The following DHRSX variants were observed in gnomAD, a reference collection of about 807,000 sequenced individuals.
DHRSX encodes the protein polyprenol dehydrogenase.
Under a neutral mutation model 34.0 loss-of-function variants are expected in DHRSX, and 31 were observed. That is an observed-to-expected ratio of 0.91 (90% CI 0.69 to 1.23). DHRSX has a LOEUF of 1.23. Among genes scored for constraint, DHRSX ranks in the 50% most tolerant of loss-of-function variants. DHRSX has a pLI of 0.00. For missense variants in DHRSX, 414 were observed against 428.1 expected (o/e 0.97, Z 0.29); for synonymous variants, 201 against 183.8 (o/e 1.09, Z -0.76).
chrX:2,490,011 C>T (rs748217691), intron 1 of DHRSX: 15 of 1,613,736 alleles, frequency 9.3e-6, no homozygotes, highest in Admixed American at 8.3e-5. Context: ...TCGGGCACCT[C>T]GAAGGTCTTC....
intron 1 of DHRSX, chrX:2,488,932 G>A: frequency 6.3e-7 from 1 of 1,599,730 alleles, no homozygotes; most frequent in South Asian, 1.1e-5. Context: ...GGGGGAAGAG[G>A]GCCAGGCGGT....
chrX:2,395,719 A>C (rs1163279969), intron 3 of DHRSX, among the ~76,000 whole-genome samples: 1 of 151,880 alleles, frequency 6.6e-6, no homozygotes, highest in Non-Finnish European at 1.5e-5. Context: ...GTTCAGGGTC[A>C]CCTTACCGGA....
intron 3 of DHRSX, among the ~76,000 whole-genome samples, chrX:2,293,058 C>T (rs750576367): frequency 2.6e-5 from 4 of 152,256 alleles, no homozygotes; most frequent in Admixed American, 6.5e-5. Flanking sequence ...TGTTGGATTA[C>T]AGGCGTGAGC....
intron 3 of DHRSX, among the ~76,000 whole-genome samples, chrX:2,354,159 A>C (rs1339713823): frequency 6.6e-6 from 1 of 152,156 alleles, no homozygotes; most frequent in East Asian, 1.9e-4. Flanking sequence ...CTCCAACCCA[A>C]TGGAGCGGAG....
intron 3 of DHRSX, among the ~76,000 whole-genome samples, chrX:2,303,356 C>T (rs746385388): frequency 2.6e-4 from 40 of 152,168 alleles, no homozygotes; most frequent in African/African-American, 8.9e-4. Flanking sequence ...GTGGATTTCT[C>T]ACGAATGGGT....
intron 3 of DHRSX, among the ~76,000 whole-genome samples, chrX:2,326,452 G>A (rs1289728118): frequency 6.6e-6 from 1 of 152,136 alleles, no homozygotes; most frequent in Non-Finnish European, 1.5e-5. Flanking sequence ...GACCCTGGGA[G>A]GTGGAGGTTG....
At chrX:2,493,242 C>T (rs1270667714) in intron 1 of DHRSX, among the ~76,000 whole-genome samples, 4 of 152,126 alleles carry the variant, frequency 2.6e-5, no homozygotes, top group Non-Finnish European at 4.4e-5. Context: ...ACACAGTCAA[C>T]GGAGGGGGAA....
At chrX:2,476,480 A>G (rs55962942) in intron 1 of DHRSX, among the ~76,000 whole-genome samples, 1 of 152,156 alleles carries the variant, frequency 6.6e-6, no homozygotes, top group African/African-American at 2.4e-5. Flanking sequence ...AATATCTGTA[A>G]TAGTGCATCA....
chrX:2,456,909 T>C (rs183885798), intron 1 of DHRSX, among the ~76,000 whole-genome samples: 25 of 152,098 alleles, frequency 1.6e-4, no homozygotes, highest in Non-Finnish European at 2.8e-4. Context: ...GACCATTTCT[T>C]GGTAGCAAGG....
chrX:2,283,495 G>A (rs2041758822), intron 4 of DHRSX, among the ~76,000 whole-genome samples: 1 of 152,090 alleles, frequency 6.6e-6, no homozygotes, highest in South Asian at 2.1e-4. Flanking sequence ...TTCCCGGGAG[G>A]GAGACCAGAT....
chrX:2,432,579 C>T (rs1412600708), intron 1 of DHRSX, among the ~76,000 whole-genome samples: 13 of 152,038 alleles, frequency 8.6e-5, no homozygotes, highest in East Asian at 3.9e-4. Context: ...ATTGAGTACA[C>T]GACAAAAGGG....
intron 6 of DHRSX, among the ~76,000 whole-genome samples, chrX:2,240,826 C>T (rs1246401748): frequency 1.3e-5 from 2 of 152,022 alleles, no homozygotes; most frequent in East Asian, 1.9e-4. Context: ...TTTAGTATCC[C>T]GACTTGAGAT....
At chrX:2,338,924 C>G (rs1308520423) in intron 3 of DHRSX, among the ~76,000 whole-genome samples, 1 of 151,940 alleles carries the variant, frequency 6.6e-6, no homozygotes, top group African/African-American at 2.4e-5. Flanking sequence ...CTGCAGTTCC[C>G]ACGAGACCAC....
At chrX:2,379,317 C>T (rs2043177327) in intron 3 of DHRSX, among the ~76,000 whole-genome samples, 1 of 152,174 alleles carries the variant, frequency 6.6e-6, no homozygotes, top group Non-Finnish European at 1.5e-5. Flanking sequence ...CATGATAAGC[C>T]GGCAAAGTCC....
At chrX:2,225,790 C>CA (rs1442890386) in intron 6 of DHRSX, among the ~76,000 whole-genome samples, 10 of 152,076 alleles carry the variant, frequency 6.6e-5, no homozygotes. Flanking sequence ...CAGGAGGAAC[C>CA]AGCCCTGCCC....
At chrX:2,252,969 T>G (rs779701273) in intron 5 of DHRSX, among the ~76,000 whole-genome samples, 1 of 152,184 alleles carries the variant, frequency 6.6e-6, no homozygotes, top group Non-Finnish European at 1.5e-5. Context: ...GCAGGTCGCT[T>G]GAGCCCAGGA....
chrX:2,296,062 C>T lies in DHRSX; in HGVS notation c.287-4459G>A, dbSNP rs770190406. On this transcript the variant is annotated intron_variant, in intron 3 of 6. Transcript: ENST00000334651. ...AGTTTTCCTGAACCCCAAGCCACGC[C>T]GGGCATCTCTAGATCTGGCTTCCGC... Among the ~76,000 whole-genome samples the T allele has an allele frequency of 6.6e-5, 10 of 152,224 alleles. No homozygotes were observed. The East Asian group carries it at 1.5e-3, about 24-fold the overall frequency.
At chrX:2,282,581 A>AGAGAGAGTAGAAAGAGGG (rs2041722290) in intron 4 of DHRSX, among the ~76,000 whole-genome samples, 1 of 100,040 alleles carries the variant, frequency 1.0e-5, no homozygotes, top group Admixed American at 1.2e-4. Context: ...ACAGAAAGGG[A>AGAGAGAGTAGAAAGAGGG]GAGAGAGAAG....
intron 1 of DHRSX, among the ~76,000 whole-genome samples, chrX:2,484,210 C>G (rs187736218): frequency 2.5e-3 from 373 of 152,188 alleles, no homozygotes; most frequent in Non-Finnish European, 3.8e-3. Context: ...TGACCTCAGG[C>G]GATCCACCCG....
Sources: gnomAD v4.1 joint callset for allele counts (sites outside exome capture counted in the v4.1 genomes callset) on GRCh38, gnomAD v4.1.1 for gene constraint, MANE v1.5 for transcripts, NCBI Gene and HGNC (gene_info 2026-07-23, HGNC 2026-07-21) for gene names.